Variants in KLHL5 observed in about 807,000 individuals in gnomAD.
KLHL5 encodes the protein kelch-like protein 5.
In KLHL5, 48 loss-of-function variants were observed where a neutral mutation model predicts 77.7. The ratio of observed to expected loss-of-function variants is 0.62; its 90% CI spans 0.49 to 0.79. The LOEUF (loss-of-function observed/expected upper bound fraction) is 0.79. KLHL5 is among the 30% of genes least tolerant of loss of function. The pLI, the probability that KLHL5 is intolerant of heterozygous loss-of-function variation, is 0.00. For synonymous variants in KLHL5, 260 were observed against 297.0 expected (o/e 0.88, Z 1.28); for missense variants, 723 against 859.7 (o/e 0.84, Z 1.99).
rs1452008939 is a variant in KLHL5, at chr4:39,122,991, G to A, written c.*1925G>A. Among the ~76,000 whole-genome samples, 4 of 152,046 alleles carry A rather than the reference G, an allele frequency of 2.6e-5. No homozygotes were observed. The highest frequency in any genetic ancestry group is 4.8e-5 in the African/African-American group (2 of 41,406). ...TTAAATCTCTTATGGAATTTTACAT[G>A]TTTTGATTTAGAAAAGTAGATGCAA... is the stretch of plus-strand genomic sequence containing the variant. On this transcript the variant is annotated 3_prime_UTR_variant, in exon 11 of 11. Transcript: ENST00000504108.
intron 10 of KLHL5, among the ~76,000 whole-genome samples, chr4:39,118,581 C>A (rs919991481): frequency 6.6e-6 from 1 of 152,100 alleles, no homozygotes; most frequent in Non-Finnish European, 1.5e-5. Context: ...CATGGTGAAA[C>A]CCCATCTCTA....
chr4:39,095,542 A>G (rs1447676598), intron 5 of KLHL5, among the ~76,000 whole-genome samples: 1 of 152,054 alleles, frequency 6.6e-6, no homozygotes, highest in Admixed American at 6.6e-5. Flanking sequence ...AAATTAATAC[A>G]TAAGGACTTC....
At chr4:39,044,991 C>G (rs925387595), upstream of KLHL5, 5 of 990,426 alleles carry the variant, frequency 5.0e-6, no homozygotes, top group African/African-American at 3.5e-5. Flanking sequence ...CGCGAGGGGC[C>G]GAGCATCCCA....
chr4:39,126,503 G>A (rs565056438), downstream of KLHL5, among the ~76,000 whole-genome samples: 1 of 152,152 alleles, frequency 6.6e-6, no homozygotes, highest in Admixed American at 6.5e-5. Flanking sequence ...TGGCATCATC[G>A]CTAGACTTCA....
At chr4:39,129,027 C>T (rs562389132), downstream of KLHL5, among the ~76,000 whole-genome samples, 6 of 151,960 alleles carry the variant, frequency 3.9e-5, no homozygotes, top group Admixed American at 1.3e-4. The surrounding 1 kb of genome is among the most constrained non-coding windows in gnomAD (Gnocchi z 4.2). Flanking sequence ...AATCAGCAAG[C>T]GGGCCCCCAT....
intron 1 of KLHL5, among the ~76,000 whole-genome samples, chr4:39,073,116 G>T: frequency 6.6e-6 from 1 of 151,980 alleles, no homozygotes; most frequent in East Asian, 1.9e-4. Flanking sequence ...TTAAAATATG[G>T]TGTTCAAATC....
At chr4:39,070,826 T>C (rs1324345155) in intron 1 of KLHL5, among the ~76,000 whole-genome samples, 2 of 151,996 alleles carry the variant, frequency 1.3e-5, no homozygotes, top group African/African-American at 2.4e-5. Context: ...CTCTTATTAT[T>C]TCTCTTTACA....
At chr4:39,140,074 A>G in the KLHL5 span, among the ~76,000 whole-genome samples, 2 of 152,128 alleles carry the variant, frequency 1.3e-5, no homozygotes, top group Non-Finnish European at 2.9e-5. Context: ...AAAATAAACA[A>G]AAATTAGCAG....
Position 39,070,881 on chromosome 4 carries a change from G to T in KLHL5, c.384-5084G>T, listed in dbSNP as rs527703098. On this transcript the variant is annotated intron_variant, in intron 1 of 10. Transcript: ENST00000504108. Reference sequence around the variant, plus strand: ...TCTTCCTCACCCATATAAATGTCAAGACATTTCAATTCTCACCTACTGCTT... The same window carrying T: ...TCTTCCTCACCCATATAAATGTCAATACATTTCAATTCTCACCTACTGCTT... 4.8e-5 allele frequency among the ~76,000 whole-genome samples: 3 copies of T among 62,136 alleles called. No homozygotes were observed. The South Asian group carries it at 1.6e-3, about 33-fold the overall frequency. The allele number at this position is 62,136 out of a possible 152,430, so 40.8% of individuals were successfully genotyped here. A position where few individuals can be genotyped will look rare whatever the true frequency, so the allele number is the denominator to read the frequency against.
chr4:39,103,269 CT>C lies in KLHL5; in HGVS notation c.1301-17del. 2 of 1,558,602 alleles carry C rather than the reference CT, an allele frequency of 1.3e-6. No individual in the cohort carries two copies. The highest frequency in any genetic ancestry group is 1.8e-6 in the Non-Finnish European group (2 of 1,139,304). On this transcript the variant is annotated splice_polypyrimidine_tract_variant and intron_variant, in intron 6 of 10. Coordinates refer to ENST00000504108, the MANE Select transcript of KLHL5 (RefSeq NM_015990.5). ...GGTATAATTTCTATTTACATAACTT[CT>C]ATATATTACTATGAAGGAGCAACAA...
chr4:39,103,027 G>A (rs1214935271), intron 6 of KLHL5, among the ~76,000 whole-genome samples: 1 of 152,028 alleles, frequency 6.6e-6, no homozygotes, highest in Non-Finnish European at 1.5e-5. Context: ...CCGCTTCTGG[G>A]TGTTGTTTCT....
intron 1 of KLHL5, among the ~76,000 whole-genome samples, chr4:39,056,991 G>A (rs1428089280): frequency 6.6e-6 from 1 of 151,998 alleles, no homozygotes; most frequent in African/African-American, 2.4e-5. Context: ...TCCTTATGAG[G>A]TATCTTCCCT....
At chr4:39,086,420 G>A (rs905782430) in intron 4 of KLHL5, 95 bp from the exon 5 acceptor site, 28 of 892,298 alleles carry the variant, frequency 3.1e-5, no homozygotes, top group African/African-American at 6.7e-5. Context: ...TAAATTGTGT[G>A]TTGGTAGCTA....
At chr4:39,141,066 T>C in the KLHL5 span, among the ~76,000 whole-genome samples, 2 of 152,186 alleles carry the variant, frequency 1.3e-5, no homozygotes, top group Non-Finnish European at 2.9e-5. Context: ...CAGTTAGTTA[T>C]GATTTCCAGG....
At chr4:39,061,686 C>T (rs991424022), upstream of KLHL5, among the ~76,000 whole-genome samples, 6 of 152,166 alleles carry the variant, frequency 3.9e-5, no homozygotes, top group African/African-American at 1.4e-4. Context: ...TAGTCCTATC[C>T]CAGTCCCTGG....
chr4:39,120,635 C>T (rs930413364), intron 10 of KLHL5, among the ~76,000 whole-genome samples: 23 of 152,214 alleles, frequency 1.5e-4, no homozygotes, highest in Admixed American at 1.4e-3. Context: ...CTAGATAACA[C>T]TTGATCTTTC....
downstream of KLHL5, among the ~76,000 whole-genome samples, chr4:39,126,506 A>G (rs1380339199): frequency 6.6e-6 from 1 of 152,134 alleles, no homozygotes; most frequent in Non-Finnish European, 1.5e-5. Context: ...CATCATCGCT[A>G]GACTTCACTG....
intron 4 of KLHL5, among the ~76,000 whole-genome samples, chr4:39,083,691 A>AT (rs1560421910): frequency 6.6e-6 from 1 of 152,112 alleles, no homozygotes; most frequent in Non-Finnish European, 1.5e-5. Flanking sequence ...ATAAAGTTGG[A>AT]TTTTTTTCTT....
At chr4:39,130,524 C>T (rs904554836), downstream of KLHL5, among the ~76,000 whole-genome samples, 9 of 152,090 alleles carry the variant, frequency 5.9e-5, no homozygotes, top group African/African-American at 2.2e-4. Flanking sequence ...CAGTTTATGG[C>T]CAGATTTTGG....
Sources: allele counts gnomAD v4.1 joint callset (sites outside exome capture counted in the v4.1 genomes callset), GRCh38; gene constraint gnomAD v4.1.1; non-coding constraint Gnocchi (gnomAD v3.1); transcripts MANE v1.5; gene names NCBI Gene and HGNC (gene_info 2026-07-23, HGNC 2026-07-21).